Variants in FLT1 observed in about 807,000 individuals in gnomAD.
FLT1 encodes vascular endothelial growth factor receptor 1.
Under a neutral mutation model 156.3 loss-of-function variants are expected in FLT1, and 49 were observed. The observed-to-expected ratio is 0.31, with a 90% CI of 0.25 to 0.40. FLT1 has a LOEUF of 0.40. FLT1 is among the 10% of genes least tolerant of loss of function. The probability of loss-of-function intolerance (pLI) is 1.00; values close to 1 mark genes in which losing one functional copy is unlikely to be tolerated. For synonymous variants in FLT1, 594 were observed against 583.8 expected, an observed-to-expected ratio of 1.02 and a Z score of -0.25; for missense variants, 1,322 against 1,637.2, an observed-to-expected ratio of 0.81 and a Z score of 3.32.
chr13:28,406,996 C>T (rs1192307247), intron 10 of FLT1, among the ~76,000 whole-genome samples: 1 of 152,134 alleles, frequency 6.6e-6, no homozygotes, highest in Non-Finnish European at 1.5e-5. Context: ...GTTAAACTAT[C>T]GCATCTGCAG....
intron 17 of FLT1, 113 bp downstream of exon 17, chr13:28,339,055 G>T: frequency 1.1e-6 from 1 of 932,890 alleles, no homozygotes; most frequent in Non-Finnish European, 1.7e-6. Flanking sequence ...TCTGTGAGCA[G>T]CTGGAGGGTA....
chr13:28,494,593 T>G lies in FLT1; in HGVS notation c.64+187A>C, dbSNP rs138671233. Among the ~76,000 whole-genome samples, 54 of 152,180 alleles carry G rather than the reference T, an allele frequency of 3.5e-4. 1 individual carries two copies. In the East Asian group the frequency reaches 8.8e-3, roughly 25 times the overall value. On this transcript the variant is annotated intron_variant, in intron 1 of 29. Coordinates refer to ENST00000282397, the MANE Select transcript of FLT1 (RefSeq NM_002019.4). ...GCCAGCCACTCCTCGAGGCGCTCCC[T>G]CGGAGAAAGGGCGCAGCGGCCCCAA...
intron 16 of FLT1, among the ~76,000 whole-genome samples, chr13:28,344,217 T>C (rs1044222844): frequency 2.0e-5 from 3 of 152,014 alleles, no homozygotes; most frequent in Non-Finnish European, 4.4e-5. Context: ...CCGCTTTCCC[T>C]TCCCATTTCT....
chr13:28,309,911 ACAGAGCCTTGCTCTGTCACC>A (rs1870928031), intron 27 of FLT1, among the ~76,000 whole-genome samples: 1 of 91,442 alleles, frequency 1.1e-5, no homozygotes, highest in Non-Finnish European at 2.0e-5. Context: ...TTTTTTGGAG[ACAGAGCCTTGCTCTGTCACC>A]CAGGCTGGAG....
intron 10 of FLT1, among the ~76,000 whole-genome samples, chr13:28,425,694 C>T (rs1877296340): frequency 1.3e-5 from 2 of 152,086 alleles, no homozygotes; most frequent in South Asian, 2.1e-4. Context: ...TTCAACTCTA[C>T]ACTTTTATCC....
chr13:28,359,098 A>C (rs1358520466), intron 14 of FLT1, among the ~76,000 whole-genome samples: 1 of 152,208 alleles, frequency 6.6e-6, no homozygotes, highest in African/African-American at 2.4e-5. Context: ...CAATATAGAA[A>C]AGTTGAGAAA....
intron 14 of FLT1, among the ~76,000 whole-genome samples, chr13:28,378,144 G>A (rs1873924980): frequency 6.6e-6 from 1 of 151,570 alleles, no homozygotes; most frequent in South Asian, 2.1e-4. Context: ...CGCCTCCCGG[G>A]TTCAAGAGAT....
chr13:28,442,826 A>G (rs985819217), intron 3 of FLT1, among the ~76,000 whole-genome samples: 10 of 152,214 alleles, frequency 6.6e-5, no homozygotes, highest in African/African-American at 1.4e-4. Context: ...TGCCTGACAT[A>G]TAATAATACA....
At chr13:28,420,206 G>A (rs543915128) in intron 10 of FLT1, among the ~76,000 whole-genome samples, 1 of 152,306 alleles carries the variant, frequency 6.6e-6, no homozygotes, top group Non-Finnish European at 1.5e-5. Flanking sequence ...ATAACAGAAT[G>A]CAAGAAGTTT....
chr13:28,467,407 G>T (rs1879910583), intron 2 of FLT1, 114 bp downstream of exon 2: 2 of 763,808 alleles, frequency 2.6e-6, no homozygotes, highest in Admixed American at 4.1e-5. Context: ...CCTATGGTTT[G>T]CACTTTGCAG....
intron 14 of FLT1, among the ~76,000 whole-genome samples, chr13:28,369,577 G>C (rs1032194488): frequency 6.6e-6 from 1 of 152,172 alleles, no homozygotes; most frequent in African/African-American, 2.4e-5. Flanking sequence ...ACACTAAAAA[G>C]ATGAGTGATT....
intron 15 of FLT1, among the ~76,000 whole-genome samples, chr13:28,355,178 G>A (rs1872856009): frequency 1.3e-5 from 2 of 152,180 alleles, no homozygotes; most frequent in African/African-American, 4.8e-5. Flanking sequence ...AGGTATACGT[G>A]GACTCAAGTC....
chr13:28,329,546 G>A (rs1871833571), intron 19 of FLT1, 69 bp downstream of exon 19: 3 of 1,129,244 alleles, frequency 2.7e-6, no homozygotes, highest in East Asian at 2.4e-5. Context: ...AGAAGGAGCT[G>A]TAAGGCAGAG....
Position 28,365,376 on chromosome 13 carries a change from G to A in FLT1, c.2117-7691C>T, listed in dbSNP as rs145034838. 7.6e-3 allele frequency among the ~76,000 whole-genome samples: 1,135 copies of A among 150,190 alleles called. 11 individuals are homozygous for A. Among genetic ancestry groups the A allele is most frequent in the African/African-American group, 0.026 (1,084 of 40,942 alleles). On this transcript the variant is annotated intron_variant, in intron 14 of 29. Coordinates refer to ENST00000282397, the MANE Select transcript of FLT1 (RefSeq NM_002019.4). ...AGAACTCCCTTTTTTTTTTTGAGGC[G>A]GAGTCTTGCTCTGTCGCCCAGGCTA...
In FLT1 at chr13:28,334,017, A is replaced by C; in HGVS notation, c.2593+8T>G. The C allele has an allele frequency of 6.4e-7, 1 of 1,568,188 alleles. No individual in the cohort carries two copies. Among genetic ancestry groups the C allele is most frequent in the Non-Finnish European group, 8.8e-7 (1 of 1,138,056 alleles). ...GGTCAGTTGAAAGCCAAACTACAGC[A>C]TACATACCTTTCAGCATTTTCACAG... On this transcript the variant is annotated splice_region_variant and intron_variant, in intron 18 of 29. Transcript: ENST00000282397.
intron 14 of FLT1, among the ~76,000 whole-genome samples, chr13:28,369,379 G>A (rs1329771293): frequency 6.6e-6 from 1 of 152,076 alleles, no homozygotes; most frequent in Non-Finnish European, 1.5e-5. Flanking sequence ...ACAAAAATTA[G>A]CCAGGCGTGG....
chr13:28,473,511 G>T (rs1343385748), intron 1 of FLT1, among the ~76,000 whole-genome samples: 1 of 151,740 alleles, frequency 6.6e-6, no homozygotes, highest in East Asian at 1.9e-4. Flanking sequence ...CAGGCATGGT[G>T]GTGCGCGCCT....
intron 15 of FLT1, among the ~76,000 whole-genome samples, chr13:28,346,728 A>T (rs926636372): frequency 2.0e-5 from 3 of 152,144 alleles, no homozygotes; most frequent in Admixed American, 6.5e-5. Flanking sequence ...GAGGGAGAGA[A>T]AGAGAGAGAG....
At chr13:28,432,938 G>A (rs1009382514) in intron 6 of FLT1, among the ~76,000 whole-genome samples, 16 of 152,164 alleles carry the variant, frequency 1.1e-4, no homozygotes, top group African/African-American at 3.1e-4. Flanking sequence ...AGTCCTTAAT[G>A]TGTCCCTACA....
Sources: allele counts gnomAD v4.1 joint callset (sites outside exome capture counted in the v4.1 genomes callset), GRCh38; gene constraint gnomAD v4.1.1; transcripts MANE v1.5; gene names NCBI Gene and HGNC (gene_info 2026-07-23, HGNC 2026-07-21).